VPS35L: variants seen among roughly 807,000 people sequenced by gnomAD.
VPS35L encodes the protein VPS35 endosomal protein sorting factor like, also known as VPS35 endosomal protein-sorting factor-like.
A neutral mutation model predicts 133.0 loss-of-function variants in VPS35L; 83 were observed. The ratio of observed to expected loss-of-function variants is 0.62; its 90% confidence interval spans 0.52 to 0.75. VPS35L has a LOEUF of 0.75. VPS35L is among the 30% of genes least tolerant of loss of function. VPS35L has a pLI of 0.00. For synonymous variants in VPS35L, 423 were observed against 449.9 expected, an observed-to-expected ratio of 0.94 and a Z score of 0.76; for missense variants, 1,083 against 1,206.8, an observed-to-expected ratio of 0.90 and a Z score of 1.52.
At chr16:19,578,439 C>T (rs930947815) in intron 5 of VPS35L, 13 of 397,946 alleles carry the variant, frequency 3.3e-5, no homozygotes, top group East Asian at 7.1e-5. Flanking sequence ...AATAGACGGC[C>T]GCAGAGGGCA....
At position 19,669,221 on chromosome 16, in the gene VPS35L, T is replaced by C; in HGVS notation, c.2283T>C (p.Ile761=). Residue 761 remains isoleucine (I), a synonymous_variant, in exon 27 of 31, where the codon ATT becomes ATC. Coordinates refer to ENST00000417362, the MANE Select transcript of VPS35L (RefSeq NM_020314.7). ...CGGAAGTTCCAAAGATGATTAATAT[T>C]GATGGGAAGATGCGGCCATCGGAAT... ...LVPEVPKMIN[I]DGKMRPSESF... The C allele has an allele frequency of 6.2e-7, 1 of 1,613,450 alleles. No homozygotes were observed. Among genetic ancestry groups the C allele is most frequent in the Non-Finnish European group, 8.5e-7 (1 of 1,179,470 alleles).
intron 11 of VPS35L, 25 bp from the exon 12 acceptor site, chr16:19,610,297 G>A (rs1284564450): frequency 6.3e-7 from 1 of 1,592,118 alleles, no homozygotes. Flanking sequence ...CGAATATAAT[G>A]CTGGCCTGTT....
At chr16:19,678,787 A>T (rs1309938436) in intron 27 of VPS35L, among the ~76,000 whole-genome samples, 1 of 151,944 alleles carries the variant, frequency 6.6e-6, no homozygotes, top group East Asian at 1.9e-4. Context: ...CCATCAGTAC[A>T]ATTAAAAAAA....
chr16:19,630,561 C>T (rs1973421771), intron 18 of VPS35L, among the ~76,000 whole-genome samples: 1 of 151,974 alleles, frequency 6.6e-6, no homozygotes, highest in Non-Finnish European at 1.5e-5. Context: ...GTCTCGATCT[C>T]CTGAGCTCGC....
intron 27 of VPS35L, among the ~76,000 whole-genome samples, chr16:19,680,501 C>G (rs1975234170): frequency 6.6e-6 from 1 of 152,160 alleles, no homozygotes; most frequent in South Asian, 2.1e-4. Flanking sequence ...GCCTGTCCTC[C>G]TGGAGGTTAT....
chr16:19,615,792 C>A (rs949796278), intron 12 of VPS35L, among the ~76,000 whole-genome samples: 2 of 151,668 alleles, frequency 1.3e-5, no homozygotes, highest in African/African-American at 2.4e-5. Context: ...TGTGGTGAAA[C>A]CCTGTCTCTA....
chr16:19,570,890 T>TATATATATATATATATATATA (rs1971361160), intron 3 of VPS35L, among the ~76,000 whole-genome samples: 1 of 113,726 alleles, frequency 8.8e-6, no homozygotes, highest in Non-Finnish European at 1.7e-5. Flanking sequence ...TATATATATA[T>TATATATATATATATATATATA]TTTTGAGATG....
At chr16:19,585,089 T>C (rs570368729) in intron 7 of VPS35L, among the ~76,000 whole-genome samples, 1 of 152,372 alleles carries the variant, frequency 6.6e-6, no homozygotes, top group Non-Finnish European at 1.5e-5. Flanking sequence ...CGTTCCTTTT[T>C]ACTGCTGAAT....
chr16:19,661,212 TTC>T (rs1974475306), intron 26 of VPS35L, among the ~76,000 whole-genome samples: 1 of 152,122 alleles, frequency 6.6e-6, no homozygotes, highest in Non-Finnish European at 1.5e-5. Flanking sequence ...CTGTTTGGTA[TTC>T]TGTTTCTTCT....
At chr16:19,668,778 T>G (rs1974779682) in intron 26 of VPS35L, among the ~76,000 whole-genome samples, 1 of 152,208 alleles carries the variant, frequency 6.6e-6, no homozygotes, top group South Asian at 2.1e-4. Flanking sequence ...TTTCCTTCCC[T>G]TATTTCTCGT....
At chr16:19,651,911 G>A in intron 25 of VPS35L, 65 bp from the exon 26 acceptor site, 2 of 1,152,876 alleles carry the variant, frequency 1.7e-6, no homozygotes, top group Non-Finnish European at 2.6e-6. Context: ...CATGAGGGAT[G>A]AAAACAGGAG....
At chr16:19,557,417 G>A (rs553062832) in intron 1 of VPS35L, among the ~76,000 whole-genome samples, 1 of 152,106 alleles carries the variant, frequency 6.6e-6, no homozygotes, top group Non-Finnish European at 1.5e-5. Context: ...TTGTTGAGAC[G>A]GAGTCTCGCC....
At chr16:19,667,073 C>G (rs890464958) in intron 26 of VPS35L, among the ~76,000 whole-genome samples, 32 of 151,980 alleles carry the variant, frequency 2.1e-4, no homozygotes, top group African/African-American at 7.2e-4. Flanking sequence ...AAGTGATTCT[C>G]CTGCCTCAGC....
intron 29 of VPS35L, 38 bp downstream of exon 29, chr16:19,691,509 C>A: frequency 6.5e-7 from 1 of 1,527,526 alleles, no homozygotes; most frequent in South Asian, 1.1e-5. Context: ...GCCCCTTGCT[C>A]TGAAAGCACA....
At chr16:19,604,515 CATT>C (rs1001415515) in intron 9 of VPS35L, among the ~76,000 whole-genome samples, 1 of 151,962 alleles carries the variant, frequency 6.6e-6, no homozygotes, top group African/African-American at 2.4e-5. Context: ...TAAATGATAT[CATT>C]GTTTGTTTTC....
intron 26 of VPS35L, 109 bp downstream of exon 26, chr16:19,652,199 C>CAT (rs1974153624): frequency 2.5e-6 from 2 of 802,800 alleles, no homozygotes; most frequent in Non-Finnish European, 4.1e-6. Flanking sequence ...TTTTTAGAGA[C>CAT]AGAGTCTCAC....
chr16:19,564,430 G>A (rs1405472349), intron 1 of VPS35L, among the ~76,000 whole-genome samples: 8 of 150,826 alleles, frequency 5.3e-5, no homozygotes, highest in Non-Finnish European at 7.4e-5. Flanking sequence ...ATGGAGTCTC[G>A]CTCTGTGGCC....
At position 19,639,091 on chromosome 16, in the gene VPS35L, T is replaced by A. The variant is rs988238042; in HGVS notation, c.1699-924T>A. 6.6e-6 allele frequency among the ~76,000 whole-genome samples: 1 copy of A among 152,062 alleles called. No individual in the cohort carries two copies. The highest frequency in any genetic ancestry group is 2.4e-5 in the African/African-American group (1 of 41,446). ...TCTGTTTCAAACAAATAAAATGCAA[T>A]AAAAATAAAAATGAAAATGAATGAA... On this transcript the variant is annotated intron_variant, in intron 20 of 30. Coordinates refer to ENST00000417362, the MANE Select transcript of VPS35L (RefSeq NM_020314.7). This position sits in a 1 kb window ranked among gnomAD's most constrained non-coding sequence, Gnocchi z 4.1.
At chr16:19,645,840 G>A (rs1302973276) in intron 23 of VPS35L, among the ~76,000 whole-genome samples, 2 of 152,240 alleles carry the variant, frequency 1.3e-5, no homozygotes, top group South Asian at 2.1e-4. Flanking sequence ...ATCATCAGAC[G>A]GTGATGGAAA....
Sources: allele counts gnomAD v4.1 joint callset (sites outside exome capture counted in the v4.1 genomes callset), GRCh38; gene constraint gnomAD v4.1.1; non-coding constraint Gnocchi (gnomAD v3.1); transcripts MANE v1.5; gene names NCBI Gene and HGNC (gene_info 2026-07-23, HGNC 2026-07-21).